CDKN3: variants seen among roughly 807,000 people sequenced by gnomAD.
CDKN3 encodes the protein cyclin-dependent kinase inhibitor 3.
CDKN3 carries 19 observed loss-of-function variants against 36.1 expected under a neutral mutation model. The ratio of observed to expected loss-of-function variants is 0.53; its 90% CI spans 0.37 to 0.77. CDKN3 has a LOEUF of 0.77. Among genes scored for constraint, CDKN3 ranks in the 30% least tolerant of loss-of-function variants. The pLI is 0.00. For synonymous variants in CDKN3, 71 were observed against 85.3 expected (o/e 0.83, Z 0.92); for missense variants, 188 against 248.6 (o/e 0.76, Z 1.64).
At position 54,403,871 on chromosome 14, in the gene CDKN3, G is replaced by A. The variant is rs893096313; in HGVS notation, c.148+2292G>A. ...TTTGCATATGTTGAACCAACCTTGC[G>A]TCCCAGGGATGAAGCTGACTTGATC... On this transcript the variant is annotated intron_variant, in intron 3 of 7. Coordinates refer to ENST00000335183, the MANE Select transcript of CDKN3 (RefSeq NM_005192.4). Among the ~76,000 whole-genome samples the A allele has an allele frequency of 5.9e-5, 9 of 152,128 alleles. No homozygotes were observed. In the East Asian group the frequency reaches 7.7e-4, roughly 13 times the overall value.
intron 4 of CDKN3, among the ~76,000 whole-genome samples, chr14:54,409,902 A>AC (rs959061601): frequency 2.6e-5 from 4 of 152,052 alleles, no homozygotes; most frequent in African/African-American, 9.7e-5. Context: ...AAAAAAAAAA[A>AC]AAAGTATTCC....
intron 3 of CDKN3, among the ~76,000 whole-genome samples, chr14:54,402,309 C>CGTGA (rs1555361560): frequency 6.8e-6 from 1 of 147,728 alleles, no homozygotes; most frequent in East Asian, 2.0e-4. Flanking sequence ...CATGTGTGTG[C>CGTGA]GTGTGTGTGT....
intron 7 of CDKN3, 41 bp from the exon 8 acceptor site, chr14:54,419,951 G>T (rs1221702447): frequency 5.9e-6 from 7 of 1,189,408 alleles, no homozygotes; most frequent in Non-Finnish European, 8.8e-6. Context: ...CTGATAACTA[G>T]TTTTCTACAG....
At chr14:54,414,008 C>G (rs1004349701) in intron 5 of CDKN3, 1 of 221,036 alleles carries the variant, frequency 4.5e-6, no homozygotes, top group Non-Finnish European at 8.6e-6. Context: ...TGGTGGCCAT[C>G]AATCCATGGC....
At chr14:54,413,702 C>T (rs2030436857) in intron 5 of CDKN3, 2 of 1,533,980 alleles carry the variant, frequency 1.3e-6, no homozygotes, top group African/African-American at 1.4e-5. Flanking sequence ...GCTTATCCTT[C>T]AGCAACAGGA....
intron 4 of CDKN3, 189 bp from the exon 5 acceptor site, chr14:54,411,295 C>G: frequency 4.0e-6 from 2 of 502,398 alleles, no homozygotes; most frequent in Non-Finnish European, 6.9e-6. Flanking sequence ...GGCATTTTGA[C>G]TTGTAATATG....
At chr14:54,399,633 C>T (rs1886417456) in intron 1 of CDKN3, among the ~76,000 whole-genome samples, 1 of 152,174 alleles carries the variant, frequency 6.6e-6, no homozygotes, top group Admixed American at 6.5e-5. Context: ...AGAGAGTATA[C>T]AGTAAGTGGC....
rs556546173 is a variant in CDKN3, at chr14:54,419,164, A to G, written c.553-828A>G. 1.1e-4 allele frequency among the ~76,000 whole-genome samples: 17 copies of G among 152,312 alleles called. No homozygotes were observed. The South Asian group carries it at 3.3e-3, about 30-fold the overall frequency. On this transcript the variant is annotated intron_variant, in intron 7 of 7. Coordinates refer to ENST00000335183, the MANE Select transcript of CDKN3 (RefSeq NM_005192.4). ...CAAAGTGAGACCCTGTCTCAAAAAA[A>G]AAAAAAAATCAAATGATGCTTCAAA...
intron 5 of CDKN3, among the ~76,000 whole-genome samples, chr14:54,413,367 T>TC (rs2030424622): frequency 6.6e-6 from 1 of 152,090 alleles, no homozygotes; most frequent in Non-Finnish European, 1.5e-5. Context: ...TTTTTTTTTT[T>TC]TTCAAATAAA....
intron 6 of CDKN3, 121 bp downstream of exon 6, chr14:54,416,051 A>T: frequency 1.3e-6 from 1 of 761,066 alleles, no homozygotes; most frequent in Non-Finnish European, 2.2e-6. Flanking sequence ...TAAGACTCAA[A>T]GGATTACTTA....
intron 5 of CDKN3, chr14:54,412,875 C>T (rs778537477): frequency 7.7e-6 from 4 of 517,020 alleles, no homozygotes; most frequent in Admixed American, 5.8e-5. Flanking sequence ...CTCAAAAGCC[C>T]CAAGTTCCTT....
At chr14:54,412,766 G>A in intron 5 of CDKN3, 1 of 418,632 alleles carries the variant, frequency 2.4e-6, no homozygotes, top group Non-Finnish European at 4.9e-6. Context: ...CCAGCCATGG[G>A]GAGGAAACTG....
intron 6 of CDKN3, among the ~76,000 whole-genome samples, chr14:54,417,344 T>C (rs907436807): frequency 6.6e-6 from 1 of 152,216 alleles, no homozygotes; most frequent in African/African-American, 2.4e-5. Flanking sequence ...TACAGACATA[T>C]GCTACAATAT....
chr14:54,404,290 G>A (rs2030068071), intron 3 of CDKN3, among the ~76,000 whole-genome samples: 1 of 152,092 alleles, frequency 6.6e-6, no homozygotes, highest in African/African-American at 2.4e-5. Flanking sequence ...GAGGGTGTAT[G>A]TGTCCAGGAA....
chr14:54,420,111 T>G lies in CDKN3; in HGVS notation c.*33T>G. 8.2e-7 allele frequency: 1 copy of G among 1,225,640 alleles called. No individual in the cohort carries two copies. Among genetic ancestry groups the G allele is most frequent in the South Asian group, 1.3e-5 (1 of 78,858 alleles). The allele number at this position is 1,225,640 out of a possible 1,614,324, so 75.9% of individuals were successfully genotyped here. A position where few individuals can be genotyped will look rare whatever the true frequency, so the allele number is the denominator to read the frequency against. ...CAAATAGCATATATATGACCATGTCTGAAATGTCAGTTCTCTAGCATAATT... is the reference window on the plus strand; with the variant it reads ...CAAATAGCATATATATGACCATGTCGGAAATGTCAGTTCTCTAGCATAATT... On this transcript the variant is annotated 3_prime_UTR_variant, in exon 8 of 8. Transcript: ENST00000335183.
intron 3 of CDKN3, among the ~76,000 whole-genome samples, chr14:54,406,246 C>A (rs1460872549): frequency 6.6e-6 from 1 of 152,178 alleles, no homozygotes; most frequent in Non-Finnish European, 1.5e-5. Context: ...GGTAACCCAG[C>A]CTTTCTCTCT....
At chr14:54,398,987 C>CTTG (rs760381021) in intron 1 of CDKN3, among the ~76,000 whole-genome samples, 1 of 109,276 alleles carries the variant, frequency 9.2e-6, no homozygotes, top group Non-Finnish European at 1.8e-5. Flanking sequence ...TTTCTTCTTC[C>CTTG]TTTTTTTTTT....
intron 5 of CDKN3, 177 bp downstream of exon 5, chr14:54,411,883 G>T: frequency 1.5e-6 from 1 of 651,728 alleles, no homozygotes; most frequent in East Asian, 2.7e-5. Flanking sequence ...AGTCAAATAC[G>T]TGCTGTTATT....
Position 54,408,736 on chromosome 14 carries a change from T to A in CDKN3, c.149-9T>A. ...CTGACTTTTTTACTTGCTTTATTAT[T>A]ACTTATAGGTTGTAAATTTAAAGAT... On this transcript the variant is annotated splice_polypyrimidine_tract_variant and intron_variant, in intron 3 of 7. Coordinates refer to ENST00000335183, the MANE Select transcript of CDKN3 (RefSeq NM_005192.4). 2 of 1,569,896 alleles carry A rather than the reference T, an allele frequency of 1.3e-6. No homozygotes were observed. Among genetic ancestry groups the A allele is most frequent in the Non-Finnish European group, 1.7e-6 (2 of 1,164,772 alleles).
Sources: gnomAD v4.1 joint callset for allele counts (sites outside exome capture counted in the v4.1 genomes callset) on GRCh38, gnomAD v4.1.1 for gene constraint, MANE v1.5 for transcripts, NCBI Gene and HGNC (gene_info 2026-07-23, HGNC 2026-07-21) for gene names.